ZSWIM4: variants seen among roughly 807,000 people sequenced by gnomAD.
ZSWIM4 encodes zinc finger SWIM domain-containing protein 4.
A neutral mutation model predicts 102.5 loss-of-function variants in ZSWIM4; 62 were observed. The observed-to-expected ratio is 0.60, with a 90% CI of 0.49 to 0.75. The LOEUF (loss-of-function observed/expected upper bound fraction) is 0.75. ZSWIM4 is among the 30% of genes least tolerant of loss of function. The pLI, the probability that ZSWIM4 is intolerant of heterozygous loss-of-function variation, is 0.00. For synonymous variants in ZSWIM4, 652 were observed against 674.5 expected (o/e 0.97, Z 0.52); for missense variants, 1,280 against 1,529.6 (o/e 0.84, Z 2.72).
In ZSWIM4 at chr19:13,825,729, T is replaced by C. The variant is rs2145371714; in HGVS notation, c.2379+16T>C. 3 of 1,600,830 alleles carry C rather than the reference T, an allele frequency of 1.9e-6. No individual in the cohort carries two copies. The highest frequency in any genetic ancestry group is 2.5e-6 in the Non-Finnish European group (3 of 1,176,568). The stretch of plus-strand genomic sequence containing the variant: ...GGGGCTGCAGGTGAGGGCTGCCAGG[T>C]GGATGCGGGAGGGCGATGGTGGCTC... On this transcript the variant is annotated intron_variant, in intron 12 of 13. Transcript: ENST00000590508. The surrounding 1 kb of genome is among the most constrained non-coding windows in gnomAD (Gnocchi z 4.6).
In ZSWIM4 at chr19:13,814,816, C is replaced by G; in HGVS notation, c.1482C>G (p.Leu494=). 7.8e-7 allele frequency: 1 copy of G among 1,275,980 alleles called. No homozygotes were observed. The highest frequency in any genetic ancestry group is 1.0e-6 in the Non-Finnish European group (1 of 978,142). 79.0% of individuals were successfully genotyped at this position (1,275,980 alleles called of 1,614,324 possible). A position where few individuals can be genotyped will look rare whatever the true frequency, so the allele number is the denominator to read the frequency against. ...TGGCAAGTGCCATCATCAACACACT[C>G]CGGCTGCAGCAGCGGCATCAGCTAG... The part of the protein sequence containing the change: ...LRLASAIINT[L]RLQQRHQLES... Residue 494 remains leucine (L), a synonymous_variant, in exon 7 of 14, where the codon CTC becomes CTG. Coordinates refer to ENST00000590508, the MANE Select transcript of ZSWIM4 (RefSeq NM_001367834.3).
chr19:13,814,949 G>C, intron 7 of ZSWIM4, 84 bp downstream of exon 7: 1 of 825,882 alleles, frequency 1.2e-6, no homozygotes, highest in Non-Finnish European at 1.6e-6. Context: ...TTGAGGCCAG[G>C]AGTTCAACAT....
At chr19:13,808,796 C>G in intron 3 of ZSWIM4, 40 bp from the exon 4 acceptor site, 1 of 1,543,164 alleles carries the variant, frequency 6.5e-7, no homozygotes, top group Non-Finnish European at 8.8e-7. Flanking sequence ...AACCCCAACT[C>G]CAGCCCCAGC....
chr19:13,801,075 C>T (rs1050915642), intron 2 of ZSWIM4, among the ~76,000 whole-genome samples: 2 of 151,422 alleles, frequency 1.3e-5, no homozygotes, highest in Non-Finnish European at 2.9e-5. Flanking sequence ...CCCGAGAGGT[C>T]GAGCCTGCAG....
chr19:13,799,435 G>A (rs1433538053), intron 1 of ZSWIM4, among the ~76,000 whole-genome samples: 2 of 151,226 alleles, frequency 1.3e-5, no homozygotes, highest in Non-Finnish European at 2.9e-5. Context: ...CACCACACCC[G>A]GCTAATTTTT....
chr19:13,827,835 G>A (rs1975653274), intron 12 of ZSWIM4, among the ~76,000 whole-genome samples: 1 of 152,118 alleles, frequency 6.6e-6, no homozygotes, highest in African/African-American at 2.4e-5. Flanking sequence ...GTGAGCTGCT[G>A]ATTGGTGGTG....
chr19:13,830,701 A>G lies in ZSWIM4; in HGVS notation c.2972A>G (p.His991Arg), dbSNP rs766162592. The G allele has an allele frequency of 6.2e-7, 1 of 1,607,554 alleles. No homozygotes were observed. Among genetic ancestry groups the G allele is most frequent in the South Asian group, 1.1e-5 (1 of 90,918 alleles). Reference sequence around the variant, plus strand: ...GTCCCCCTCATCATTCGCAGCATCCACTGTGCCCCAATGCTGTCCGATATT... The same window carrying G: ...GTCCCCCTCATCATTCGCAGCATCCGCTGTGCCCCAATGCTGTCCGATATT... ...AIVPLIIRSI[H>R]CAPMLSDILR... Residue 991 changes from histidine (H) to arginine (R), a missense_variant, in exon 14 of 14, where the codon CAC becomes CGC. His to Arg is a conservative substitution (Grantham distance 29). Coordinates refer to ENST00000590508, the MANE Select transcript of ZSWIM4 (RefSeq NM_001367834.3).
At chr19:13,827,982 G>A (rs118159083) in intron 12 of ZSWIM4, among the ~76,000 whole-genome samples, 2,396 of 152,266 alleles carry the variant, frequency 0.016, 29 homozygotes, top group Non-Finnish European at 0.025. Flanking sequence ...GGGATCTGGG[G>A]TAGGATCTGT....
intron 12 of ZSWIM4, among the ~76,000 whole-genome samples, chr19:13,827,052 A>G (rs905477175): frequency 6.6e-6 from 1 of 152,104 alleles, no homozygotes; most frequent in Admixed American, 6.6e-5. Flanking sequence ...TGGGAGGCCA[A>G]GGTGGGAGGA....
intron 7 of ZSWIM4, 123 bp from the exon 8 acceptor site, chr19:13,817,093 T>G: frequency 7.3e-7 from 1 of 1,361,236 alleles, no homozygotes. Context: ...AGGTGACCAT[T>G]GGGTGAGCAG....
chr19:13,795,603 G>GC lies in ZSWIM4; in HGVS notation c.-40dup, dbSNP rs1327447830. 3 of 296,190 alleles carry GC rather than the reference G, an allele frequency of 1.0e-5. No individual in the cohort carries two copies. Among genetic ancestry groups the GC allele is most frequent in the East Asian group, 7.2e-5 (1 of 13,946 alleles). The allele number at this position is 296,190 out of a possible 1,614,324, so 18.3% of individuals were successfully genotyped here. On this transcript the variant is annotated 5_prime_UTR_variant, in exon 1 of 14. Transcript: ENST00000590508. ...CGAAGCGGAGCGGGCATCGGACCGAGCCCCCCAAAGAGGCCCCGCCCCGGC... is the reference window on the plus strand; with the variant it reads ...CGAAGCGGAGCGGGCATCGGACCGAGCCCCCCCAAAGAGGCCCCGCCCCGGC...
At chr19:13,816,501 C>T (rs1469481395) in intron 7 of ZSWIM4, among the ~76,000 whole-genome samples, 1 of 152,108 alleles carries the variant, frequency 6.6e-6, no homozygotes, top group Non-Finnish European at 1.5e-5. Flanking sequence ...GTGGCACGTA[C>T]CTGTATTCCC....
chr19:13,816,081 T>A (rs765363510), intron 7 of ZSWIM4, among the ~76,000 whole-genome samples: 4 of 146,390 alleles, frequency 2.7e-5, no homozygotes, highest in Non-Finnish European at 4.5e-5. Context: ...GGAAGGAGGC[T>A]GTATGAGCCC....
Position 13,825,016 on chromosome 19 carries a change from C to T in ZSWIM4, c.2216-534C>T, listed in dbSNP as rs79438755. Among the ~76,000 whole-genome samples, 10,928 of 150,926 alleles carry T rather than the reference C, an allele frequency of 0.072. 562 individuals are homozygous for T. The highest frequency in any genetic ancestry group is 0.11 in the Non-Finnish European group (7,191 of 67,810). ...ATGCCCTTGAGATGAGGGAGAGGTCCATAGGATCCCTAGGTGGCTTTTCTT... is the reference window on the plus strand; with the variant it reads ...ATGCCCTTGAGATGAGGGAGAGGTCTATAGGATCCCTAGGTGGCTTTTCTT... On this transcript the variant is annotated intron_variant, in intron 11 of 13. Transcript: ENST00000590508. The surrounding 1 kb of genome is among the most constrained non-coding windows in gnomAD (Gnocchi z 4.6).
chr19:13,804,896 A>AGCT lies in ZSWIM4; in HGVS notation c.463_465dup (p.Cys155dup). On this transcript the variant is annotated inframe_insertion, in exon 3 of 14. Transcript: ENST00000590508. ...TGATCGCTGCAAGATCACGTCCGTG[A>AGCT]GCTGCGGCTGTGACAACCGCGACCT... The AGCT allele has an allele frequency of 1.9e-6, 3 of 1,613,596 alleles. No homozygotes were observed. Among genetic ancestry groups the AGCT allele is most frequent in the Non-Finnish European group, 2.5e-6 (3 of 1,180,018 alleles).
In ZSWIM4 at chr19:13,818,217, C is replaced by T. The variant is rs549963029; in HGVS notation, c.1924+241C>T. The stretch of plus-strand genomic sequence containing the variant: ...GCTGCGTGTGCTGAGGCGCCGCCCC[C>T]TTCCCTCCCGGGAGCCAGTGAGCCA... On this transcript the variant is annotated intron_variant, in intron 9 of 13. Transcript: ENST00000590508. Among the ~76,000 whole-genome samples the T allele has an allele frequency of 3.9e-5, 6 of 152,338 alleles. No homozygotes were observed. The South Asian group carries it at 6.2e-4, about 16-fold the overall frequency.
intron 5 of ZSWIM4, among the ~76,000 whole-genome samples, chr19:13,810,556 G>A (rs975986150): frequency 7.2e-5 from 11 of 152,136 alleles, no homozygotes; most frequent in Admixed American, 6.6e-4. Flanking sequence ...CTCCCAAAGT[G>A]CTGGGATTAC....
At position 13,805,158 on chromosome 19, in the gene ZSWIM4, C is replaced by A. The variant is rs752262497; in HGVS notation, c.712+10C>A. The A allele has an allele frequency of 1.9e-6, 3 of 1,589,256 alleles. No homozygotes were observed. Among genetic ancestry groups the A allele is most frequent in the Non-Finnish European group, 2.6e-6 (3 of 1,171,972 alleles). On this transcript the variant is annotated intron_variant, in intron 3 of 13. Coordinates refer to ENST00000590508, the MANE Select transcript of ZSWIM4 (RefSeq NM_001367834.3). ...ATCAACTTGGTGAATGGTAAGGGCA[C>A]CCCGGGGGTCCGGTGGGGAGAGGAT...
intron 12 of ZSWIM4, among the ~76,000 whole-genome samples, chr19:13,826,537 G>A (rs1975615964): frequency 6.6e-6 from 1 of 151,974 alleles, no homozygotes. Flanking sequence ...GAGGCCGAGG[G>A]GGGCAGATCA....
Sources: allele counts gnomAD v4.1 joint callset (sites outside exome capture counted in the v4.1 genomes callset), GRCh38; gene constraint gnomAD v4.1.1; non-coding constraint Gnocchi (gnomAD v3.1); transcripts MANE v1.5; gene names NCBI Gene and HGNC (gene_info 2026-07-23, HGNC 2026-07-21).